THSD7A: variants seen among roughly 807,000 people sequenced by gnomAD.
THSD7A encodes thrombospondin type-1 domain-containing protein 7A.
THSD7A carries 96 observed loss-of-function variants against 231.3 expected under a neutral mutation model. The observed-to-expected ratio is 0.41, with a 90% CI of 0.35 to 0.49. The LOEUF (loss-of-function observed/expected upper bound fraction) is 0.49, where lower values mean the gene tolerates loss of function less well. THSD7A is among the 20% of genes least tolerant of loss of function. The pLI is 0.05. For synonymous variants in THSD7A, 940 were observed against 743.3 expected (o/e 1.26, Z -4.30); for missense variants, 2,290 against 2,070.2 (o/e 1.11, Z -2.06).
intron 6 of THSD7A, among the ~76,000 whole-genome samples, chr7:11,501,352 T>G (rs748348510): frequency 4.6e-5 from 7 of 152,206 alleles, no homozygotes; most frequent in Non-Finnish European, 1.0e-4. Flanking sequence ...ACATGGCACA[T>G]ACTCTAAAAT....
At chr7:11,762,752 A>C (rs1782905378) in intron 1 of THSD7A, among the ~76,000 whole-genome samples, 1 of 152,028 alleles carries the variant, frequency 6.6e-6, no homozygotes, top group African/African-American at 2.4e-5. Context: ...TAAGTCCCAT[A>C]TGAAGGTGAA....
chr7:11,672,471 G>GTTAATCTTA (rs140505151), intron 1 of THSD7A, among the ~76,000 whole-genome samples: 2,341 of 151,980 alleles, frequency 0.015, 56 homozygotes, highest in African/African-American at 0.054. Flanking sequence ...ATATAAAGAT[G>GTTAATCTTA]TTAATCTTAT....
intron 4 of THSD7A, among the ~76,000 whole-genome samples, chr7:11,544,911 A>T (rs28564717): frequency 0.35 from 52,270 of 151,098 alleles, 9,603 homozygotes; most frequent in Admixed American, 0.46. Context: ...CTCGAGTTCA[A>T]CAGGATTGCT....
At chr7:11,689,508 T>G (rs990862256) in intron 1 of THSD7A, among the ~76,000 whole-genome samples, 3 of 151,702 alleles carry the variant, frequency 2.0e-5, no homozygotes, top group African/African-American at 4.8e-5. Flanking sequence ...TTTTCCTTTT[T>G]TGTCAATTGA....
In THSD7A at chr7:11,599,338, G is replaced by A. The variant is rs191090493; in HGVS notation, c.1023-5836C>T. Among the ~76,000 whole-genome samples the A allele has an allele frequency of 2.0e-5, 3 of 152,240 alleles. No individual in the cohort carries two copies. In the East Asian group the frequency reaches 5.8e-4, roughly 29 times the overall value. ...GCTGAGGTGCTTGCTGAAGGCAAAG[G>A]GAATACAGAATGAGTAGCAGAAGAA... On this transcript the variant is annotated intron_variant, in intron 2 of 27. Coordinates refer to ENST00000423059, the MANE Select transcript of THSD7A (RefSeq NM_015204.3).
chr7:11,443,573 A>G (rs1784870271), intron 13 of THSD7A, among the ~76,000 whole-genome samples: 1 of 152,008 alleles, frequency 6.6e-6, no homozygotes, highest in African/African-American at 2.4e-5. Context: ...CAGAGCTTCA[A>G]TATTATGGAG....
chr7:11,679,493 C>T (rs1178461937), intron 1 of THSD7A, among the ~76,000 whole-genome samples: 1 of 152,180 alleles, frequency 6.6e-6, no homozygotes, highest in Non-Finnish European at 1.5e-5. Flanking sequence ...TAAGCAACTT[C>T]AGCAAAGTCT....
chr7:11,664,972 G>A (rs1181705466), intron 1 of THSD7A, among the ~76,000 whole-genome samples: 1 of 151,976 alleles, frequency 6.6e-6, no homozygotes, highest in East Asian at 1.9e-4. Flanking sequence ...GTATTAAATT[G>A]ACTGGCCTGT....
In THSD7A at chr7:11,375,836, C is replaced by T; in HGVS notation, c.4932G>A (p.Leu1644=). ...CATCATAGGCTAAGGTTAAAGGTTT[C>T]AGTCGGTTGTTTTGCCTTCTTTGGG... is the stretch of plus-strand genomic sequence containing the variant. ...KKPQRRQNNR[L]KPLTLAYDGD... Residue 1644 remains leucine (L), a synonymous_variant, in exon 28 of 28, where the codon CTG becomes CTA. Coordinates refer to ENST00000423059, the MANE Select transcript of THSD7A (RefSeq NM_015204.3). 6.2e-7 allele frequency: 1 copy of T among 1,612,804 alleles called. No individual in the cohort carries two copies. Among genetic ancestry groups the T allele is most frequent in the Non-Finnish European group, 8.5e-7 (1 of 1,179,136 alleles).
At chr7:11,599,044 A>G (rs530052905) in intron 2 of THSD7A, among the ~76,000 whole-genome samples, 21 of 152,338 alleles carry the variant, frequency 1.4e-4, no homozygotes, top group African/African-American at 5.0e-4. Flanking sequence ...GGTAAGGAAA[A>G]GTATGCATGG....
intron 1 of THSD7A, among the ~76,000 whole-genome samples, chr7:11,708,291 A>T (rs1780834940): frequency 6.6e-6 from 1 of 150,848 alleles, no homozygotes; most frequent in South Asian, 2.1e-4. Context: ...GTATTTAAAA[A>T]TATAATTAGT....
chr7:11,765,741 T>C (rs568668642), intron 1 of THSD7A, among the ~76,000 whole-genome samples: 1 of 152,144 alleles, frequency 6.6e-6, no homozygotes, highest in Non-Finnish European at 1.5e-5. Flanking sequence ...AGTAGTGGTA[T>C]TCCATCTTCT....
intron 1 of THSD7A, among the ~76,000 whole-genome samples, chr7:11,728,728 C>A (rs1781627257): frequency 6.6e-6 from 1 of 151,712 alleles, no homozygotes; most frequent in Non-Finnish European, 1.5e-5. Context: ...ATTATATATA[C>A]CAAGTAGACT....
intron 1 of THSD7A, among the ~76,000 whole-genome samples, chr7:11,769,121 C>CTCT (rs1562541063): frequency 3.6e-5 from 2 of 55,986 alleles, no homozygotes; most frequent in African/African-American, 6.3e-5. Context: ...TAATTCCTGG[C>CTCT]AATATATATA....
intron 2 of THSD7A, among the ~76,000 whole-genome samples, chr7:11,629,623 G>T (rs554751553): frequency 6.6e-6 from 1 of 152,130 alleles, no homozygotes; most frequent in South Asian, 2.1e-4. Context: ...AAGTCGTAGC[G>T]TGGGGATGGG....
Position 11,493,656 on chromosome 7 carries a change from G to T in THSD7A, c.1823-11674C>A, listed in dbSNP as rs183448167. 2.0e-5 allele frequency among the ~76,000 whole-genome samples: 3 copies of T among 152,162 alleles called. No homozygotes were observed. The East Asian group carries it at 5.8e-4, about 29-fold the overall frequency. On this transcript the variant is annotated intron_variant, in intron 6 of 27. Transcript: ENST00000423059. ...TTTACATATAGTTATTTAATTGAAG[G>T]TAAACAATATTGGCCCATTGTACCA... is the stretch of plus-strand genomic sequence containing the variant.
chr7:11,688,940 T>G (rs1221946617), intron 1 of THSD7A, among the ~76,000 whole-genome samples: 7 of 151,840 alleles, frequency 4.6e-5, no homozygotes. Context: ...TTCATTGGGA[T>G]TCGTACAGAT....
chr7:11,772,593 C>T (rs1026361705), intron 1 of THSD7A, among the ~76,000 whole-genome samples: 1 of 152,116 alleles, frequency 6.6e-6, no homozygotes, highest in Non-Finnish European at 1.5e-5. Context: ...GGCCATTATC[C>T]TAAGCAATTA....
At chr7:11,773,446 CTTGAACCCGGGAGGCAGAGATTGG>C (rs1437356617) in intron 1 of THSD7A, among the ~76,000 whole-genome samples, 8 of 152,038 alleles carry the variant, frequency 5.3e-5, no homozygotes, top group Admixed American at 5.2e-4. Flanking sequence ...AGGAGAATTG[CTTGAACCCGGGAGGCAGAGATTGG>C]GGTGAGCTGA....
Sources: gnomAD v4.1 joint callset for allele counts (sites outside exome capture counted in the v4.1 genomes callset) on GRCh38, gnomAD v4.1.1 for gene constraint, MANE v1.5 for transcripts, NCBI Gene and HGNC (gene_info 2026-07-23, HGNC 2026-07-21) for gene names.